RC3H1: variants seen among roughly 807,000 people sequenced by gnomAD.
RC3H1 encodes ring finger and CCCH-type domains 1.
Under a neutral mutation model 138.2 loss-of-function variants are expected in RC3H1, and 50 were observed. That is an observed-to-expected ratio of 0.36 (90% CI 0.29 to 0.46). The LOEUF (loss-of-function observed/expected upper bound fraction) is 0.46. Ranked by LOEUF, RC3H1 falls within the 20% of genes least tolerant of loss-of-function variation. The pLI is 1.00. For missense variants in RC3H1, 1,031 were observed against 1,388.1 expected (o/e 0.74, Z 4.09); for synonymous variants, 462 against 489.1 (o/e 0.94, Z 0.73).
At chr1:173,943,878 G>GCTA in intron 17 of RC3H1, among the ~76,000 whole-genome samples, 1 of 152,238 alleles carries the variant, frequency 6.6e-6, no homozygotes, top group East Asian at 1.9e-4. Flanking sequence ...AGAGAAGTTG[G>GCTA]CTACGCATGG....
chr1:173,962,247 C>CT, intron 11 of RC3H1, 152 bp from the exon 12 acceptor site: 2 of 813,690 alleles, frequency 2.5e-6, no homozygotes, highest in South Asian at 4.5e-5. Flanking sequence ...ATCAGGTTAG[C>CT]TTTTTAAAAA....
chr1:174,009,839 AAAAC>A (rs1448294852), intron 1 of RC3H1, among the ~76,000 whole-genome samples: 1 of 152,168 alleles, frequency 6.6e-6, no homozygotes, highest in African/African-American at 2.4e-5. Flanking sequence ...CTCAGTCTCA[AAAAC>A]AAACAGATTT....
chr1:173,985,519 T>C (rs928911399), intron 2 of RC3H1, among the ~76,000 whole-genome samples: 17 of 146,928 alleles, frequency 1.2e-4, no homozygotes, highest in Admixed American at 5.4e-4. Context: ...TTGTGGTTTG[T>C]CTAAATTTTA....
chr1:173,978,399 C>T, intron 7 of RC3H1, 89 bp downstream of exon 7: 1 of 1,426,644 alleles, frequency 7.0e-7, no homozygotes, highest in Non-Finnish European at 9.5e-7. Context: ...TTTGGGAAAC[C>T]CTAGAGGAAC....
At chr1:173,967,214 G>A (rs192945303) in intron 9 of RC3H1, among the ~76,000 whole-genome samples, 27 of 152,182 alleles carry the variant, frequency 1.8e-4, no homozygotes, top group East Asian at 3.9e-4. Context: ...CCAGCTTCTC[G>A]GGAGGCTGAG....
intron 1 of RC3H1, among the ~76,000 whole-genome samples, chr1:174,002,514 ATGCTT>A (rs1315919097): frequency 2.0e-5 from 3 of 152,168 alleles, no homozygotes; most frequent in Non-Finnish European, 2.9e-5. Flanking sequence ...CCCCACTGGC[ATGCTT>A]AAATCTTTGT....
At chr1:174,004,178 C>T (rs371787589) in intron 1 of RC3H1, among the ~76,000 whole-genome samples, 15 of 151,428 alleles carry the variant, frequency 9.9e-5, no homozygotes, top group Admixed American at 2.6e-4. Context: ...AATCACTGCT[C>T]ACTACAGCCT....
At chr1:174,012,793 A>AG (rs1343746321) in intron 1 of RC3H1, among the ~76,000 whole-genome samples, 1 of 150,872 alleles carries the variant, frequency 6.6e-6, no homozygotes, top group Non-Finnish European at 1.5e-5. Flanking sequence ...TCAAAAAAAA[A>AG]AAAAGAAAAG....
rs1178650243 is a variant in RC3H1, at chr1:173,963,982, A to C, written c.1822T>G (p.Tyr608Asp). The change falls in exon 11 of 20, where the codon TAT becomes GAT. Residue 608 changes from tyrosine to aspartate, a missense_variant. Tyr to Asp is a radical substitution (Grantham distance 160). Around this residue, in one of 7 missense-constraint regions of RC3H1, gnomAD observed 716 missense variants for 837.9 expected, o/e 0.85. Coordinates refer to ENST00000367696, the MANE Select transcript of RC3H1 (RefSeq NM_172071.4). Reference sequence around the variant, plus strand: ...AATTTAAAATCGTTACCCTGCTGATAAGGTGCTGGTTCAAATGGCGGAGCT... The same window carrying C: ...AATTTAAAATCGTTACCCTGCTGATCAGGTGCTGGTTCAAATGGCGGAGCT... ...GAAPPFEPAP[Y>D]QQGMYYTPPP... 1 of 1,613,758 alleles carries C rather than the reference A, an allele frequency of 6.2e-7. No homozygotes were observed. The highest frequency in any genetic ancestry group is 8.5e-7 in the Non-Finnish European group (1 of 1,179,758).
intron 1 of RC3H1, among the ~76,000 whole-genome samples, chr1:174,004,476 A>G (rs1411705042): frequency 6.6e-6 from 1 of 152,016 alleles, no homozygotes; most frequent in Non-Finnish European, 1.5e-5. Context: ...TAGCAAATCA[A>G]TCAAGCTGGA....
chr1:173,942,155 T>C (rs1321980705), intron 18 of RC3H1, among the ~76,000 whole-genome samples: 1 of 149,768 alleles, frequency 6.7e-6, no homozygotes, highest in Non-Finnish European at 1.5e-5. Context: ...GGCAGAAGAA[T>C]CACTTGAACC....
In RC3H1 at chr1:173,936,748, TA is replaced by T. The variant is rs1557913489; in HGVS notation, c.*1972del. ...AAGCATACATATATATATATATATA[TA>T]TATATATATATATTTTTTTTTTTTT... On this transcript the variant is annotated 3_prime_UTR_variant, in exon 20 of 20. Transcript: ENST00000367696. 21 of 46,534 alleles carry T rather than the reference TA, an allele frequency of 4.5e-4. No individual in the cohort carries two copies. Among genetic ancestry groups the T allele is most frequent in the African/African-American group, 4.1e-3 (17 of 4,116 alleles). The allele number at this position is 46,534 out of a possible 1,614,324, so 2.9% of individuals were successfully genotyped here.
chr1:174,000,711 G>A (rs1469270774), intron 1 of RC3H1, among the ~76,000 whole-genome samples: 1 of 151,998 alleles, frequency 6.6e-6, no homozygotes, highest in Non-Finnish European at 1.5e-5. Flanking sequence ...CAGCATGTAG[G>A]GCCACATCAG....
intron 1 of RC3H1, among the ~76,000 whole-genome samples, chr1:174,010,455 C>T (rs908421126): frequency 6.6e-6 from 1 of 152,138 alleles, no homozygotes; most frequent in Non-Finnish European, 1.5e-5. Flanking sequence ...CACTCTGTCA[C>T]CCAGGCTAGA....
intron 1 of RC3H1, among the ~76,000 whole-genome samples, chr1:173,998,534 C>T (rs541857287): frequency 6.6e-6 from 1 of 152,178 alleles, no homozygotes; most frequent in Non-Finnish European, 1.5e-5. Context: ...TATATATACA[C>T]ATTTTTACAC....
chr1:173,948,674 A>C (rs913572542), intron 14 of RC3H1, among the ~76,000 whole-genome samples: 1 of 151,986 alleles, frequency 6.6e-6, no homozygotes, highest in Non-Finnish European at 1.5e-5. Context: ...TGTGAGCCTC[A>C]ACCTCCTGGG....
intron 2 of RC3H1, 79 bp from the exon 3 acceptor site, chr1:173,984,698 T>C (rs1660953755): frequency 7.1e-7 from 1 of 1,407,880 alleles, no homozygotes; most frequent in Non-Finnish European, 9.6e-7. Context: ...GCACTCATAA[T>C]GCTGACACTG....
At chr1:173,978,179 G>A (rs1398066581) in intron 7 of RC3H1, among the ~76,000 whole-genome samples, 2 of 152,078 alleles carry the variant, frequency 1.3e-5, no homozygotes, top group Non-Finnish European at 1.5e-5. Context: ...AACGAGATTT[G>A]GAAGAGGTAA....
chr1:173,984,479 A>G lies in RC3H1; in HGVS notation c.352+20T>C. ...AAAAAGCAGTTTTACTCTTTAAATA[A>G]GAAACAAAAACAAACTTACCTCTAG... On this transcript the variant is annotated intron_variant, in intron 3 of 19. Coordinates refer to ENST00000367696, the MANE Select transcript of RC3H1 (RefSeq NM_172071.4). 2 of 1,609,392 alleles carry G rather than the reference A, an allele frequency of 1.2e-6. No individual in the cohort carries two copies. Among genetic ancestry groups the G allele is most frequent in the Non-Finnish European group, 8.5e-7 (1 of 1,178,462 alleles).
Sources: allele counts gnomAD v4.1 joint callset (sites outside exome capture counted in the v4.1 genomes callset), GRCh38; gene constraint gnomAD v4.1.1; regional missense constraint gnomAD v4.1.1; transcripts MANE v1.5; gene names NCBI Gene and HGNC (gene_info 2026-07-23, HGNC 2026-07-21).